Variants in HTR1F observed in about 807,000 individuals in gnomAD.
HTR1F encodes 5-hydroxytryptamine receptor 1F, also known as 5-hydroxytryptamine (serotonin) receptor 1F, G protein-coupled.
A neutral mutation model predicts 24.0 loss-of-function variants in HTR1F; 17 were observed. That is an observed-to-expected ratio of 0.71 (90% CI 0.48 to 1.06). HTR1F has a LOEUF of 1.06. Ranked by LOEUF, HTR1F falls within the 50% of genes least tolerant of loss-of-function variation. The pLI, the probability that HTR1F is intolerant of heterozygous loss-of-function variation, is 0.00. For synonymous variants in HTR1F, 186 were observed against 156.8 expected, an observed-to-expected ratio of 1.19 and a Z score of -1.39; for missense variants, 391 against 427.8, an observed-to-expected ratio of 0.91 and a Z score of 0.76.
intron 2 of HTR1F, among the ~76,000 whole-genome samples, chr3:87,910,906 G>T (rs368923231): frequency 9.9e-5 from 15 of 152,048 alleles, no homozygotes; most frequent in African/African-American, 3.6e-4. Flanking sequence ...CAGAAATCAA[G>T]AAGTTCTTTG....
intron 2 of HTR1F, among the ~76,000 whole-genome samples, chr3:87,913,334 A>C (rs1703821772): frequency 6.6e-6 from 1 of 152,196 alleles, no homozygotes; most frequent in Admixed American, 6.6e-5. Context: ...GATACCAAAA[A>C]AAGCTCAACA....
At chr3:87,956,750 T>G (rs1576087075) in intron 2 of HTR1F, among the ~76,000 whole-genome samples, 1 of 151,370 alleles carries the variant, frequency 6.6e-6, no homozygotes. Flanking sequence ...TTCTTAGATA[T>G]GACTTTTTAA....
intron 2 of HTR1F, among the ~76,000 whole-genome samples, chr3:87,984,012 G>C (rs1425302056): frequency 6.6e-6 from 1 of 152,104 alleles, no homozygotes; most frequent in African/African-American, 2.4e-5. Flanking sequence ...AATAAAACCT[G>C]GTGTCCTTAC....
chr3:87,876,120 T>C (rs1705667450), intron 2 of HTR1F, among the ~76,000 whole-genome samples: 1 of 152,112 alleles, frequency 6.6e-6, no homozygotes, highest in Non-Finnish European at 1.5e-5. Flanking sequence ...TTGGGAAGGA[T>C]GTGTAGAATT....
intron 1 of HTR1F, among the ~76,000 whole-genome samples, chr3:87,812,579 T>A (rs1363694984): frequency 1.3e-5 from 2 of 152,138 alleles, no homozygotes; most frequent in Non-Finnish European, 2.9e-5. Flanking sequence ...CTGAGAATAA[T>A]TTCAACCTGC....
chr3:87,885,278 G>A (rs1254383095), intron 2 of HTR1F, among the ~76,000 whole-genome samples: 1 of 152,166 alleles, frequency 6.6e-6, no homozygotes, highest in African/African-American at 2.4e-5. Context: ...AGATAAAGAT[G>A]TTCTTTGAAA....
At chr3:87,806,123 G>T (rs528007640) in intron 1 of HTR1F, among the ~76,000 whole-genome samples, 278 of 152,078 alleles carry the variant, frequency 1.8e-3, no homozygotes, top group Non-Finnish European at 1.8e-3. Context: ...GTATTCCATT[G>T]TGTATAAATC....
At chr3:87,834,925 C>A (rs542482695) in intron 2 of HTR1F, among the ~76,000 whole-genome samples, 3 of 152,162 alleles carry the variant, frequency 2.0e-5, no homozygotes, top group Admixed American at 2.0e-4. Context: ...GACCATATGG[C>A]CTGCAAAGTT....
chr3:87,827,364 AT>A (rs1278925277), intron 2 of HTR1F, among the ~76,000 whole-genome samples: 7 of 151,292 alleles, frequency 4.6e-5, no homozygotes, highest in Admixed American at 1.3e-4. Context: ...TATCAACTTA[AT>A]TTTTTTTCCT....
chr3:87,893,429 G>T (rs944818110), intron 2 of HTR1F, among the ~76,000 whole-genome samples: 2 of 152,042 alleles, frequency 1.3e-5, no homozygotes, highest in Non-Finnish European at 2.9e-5. Context: ...AAAAGTCAAA[G>T]AATCCTAATA....
At chr3:87,872,472 A>G (rs897288199) in intron 2 of HTR1F, among the ~76,000 whole-genome samples, 31 of 152,090 alleles carry the variant, frequency 2.0e-4, no homozygotes, top group Admixed American at 9.2e-4. Context: ...GATACAAAAT[A>G]AACAGAACTA....
chr3:87,799,652 TGAAAG>T (rs1703962171), intron 1 of HTR1F, among the ~76,000 whole-genome samples: 1 of 152,196 alleles, frequency 6.6e-6, no homozygotes, highest in Admixed American at 6.5e-5. Flanking sequence ...GAAAGGAAAT[TGAAAG>T]GAGAATAAAA....
intron 2 of HTR1F, among the ~76,000 whole-genome samples, chr3:87,931,388 T>C (rs1203019956): frequency 1.3e-5 from 2 of 152,220 alleles, no homozygotes; most frequent in African/African-American, 4.8e-5. Context: ...TCATCATTTC[T>C]TATGGCTGCA....
At chr3:87,883,384 T>C (rs769380787) in intron 2 of HTR1F, among the ~76,000 whole-genome samples, 5 of 152,076 alleles carry the variant, frequency 3.3e-5, no homozygotes, top group Non-Finnish European at 7.4e-5. Flanking sequence ...GCAGAAAAGC[T>C]GAAAATTCTA....
chr3:87,825,144 AGAC>A (rs1447975654), intron 2 of HTR1F, among the ~76,000 whole-genome samples: 1 of 152,188 alleles, frequency 6.6e-6, no homozygotes, highest in Non-Finnish European at 1.5e-5. Context: ...ACAACTTTTC[AGAC>A]AACAGCTATA....
At chr3:87,945,567 T>A (rs1358112505) in intron 2 of HTR1F, among the ~76,000 whole-genome samples, 3 of 152,188 alleles carry the variant, frequency 2.0e-5, no homozygotes, top group Admixed American at 6.5e-5. Flanking sequence ...GAGTTCAGGA[T>A]GACAGCTTTC....
At chr3:87,930,878 A>T (rs1260275742) in intron 2 of HTR1F, among the ~76,000 whole-genome samples, 1 of 152,140 alleles carries the variant, frequency 6.6e-6, no homozygotes, top group African/African-American at 2.4e-5. Context: ...CATATTGTTG[A>T]TGTTTTACAA....
chr3:87,845,741 T>A (rs1445054243), intron 2 of HTR1F, among the ~76,000 whole-genome samples: 3 of 151,976 alleles, frequency 2.0e-5, no homozygotes, highest in African/African-American at 7.3e-5. Flanking sequence ...GCACAAGTTC[T>A]GTCTTACCAC....
chr3:87,852,549 G>C (rs1316988578), intron 2 of HTR1F, among the ~76,000 whole-genome samples: 2 of 151,464 alleles, frequency 1.3e-5, no homozygotes, highest in Non-Finnish European at 2.9e-5. Flanking sequence ...CATACATTAA[G>C]TTTTCATGTA....
Sources: allele counts gnomAD v4.1 joint callset (sites outside exome capture counted in the v4.1 genomes callset), GRCh38; gene constraint gnomAD v4.1.1; transcripts MANE v1.5; gene names NCBI Gene and HGNC (gene_info 2026-07-23, HGNC 2026-07-21).